The following SLC7A11 variants were observed in gnomAD, a reference collection of about 807,000 sequenced individuals.
The protein encoded by SLC7A11 is solute carrier family 7 member 11.
In SLC7A11, 35 loss-of-function variants were observed where a neutral mutation model predicts 54.5. The ratio of observed to expected loss-of-function variants is 0.64; its 90% CI spans 0.49 to 0.85. The LOEUF is 0.85. SLC7A11 is among the 40% of genes least tolerant of loss of function. SLC7A11 has a pLI of 0.00. For missense variants in SLC7A11, 583 were observed against 618.1 expected, an observed-to-expected ratio of 0.94 and a Z score of 0.60; for synonymous variants, 230 against 225.2, an observed-to-expected ratio of 1.02 and a Z score of -0.19.
chr4:138,232,360 A>T lies in SLC7A11; in HGVS notation c.427T>A (p.Ser143Thr). ...AGAATGTAGCGTCCAAATGCCAGGG[A>T]TATCACAGCAGTAGCTGCAGGGCTA... ...IIRPAATAVI[S>T]LAFGRYILEP... is the part of the protein sequence containing the mutation. Residue 143 changes from serine (S) to threonine (T), a missense_variant, in exon 3 of 12, where the codon TCC (serine) becomes ACC (threonine). Coordinates refer to ENST00000280612, the MANE Select transcript of SLC7A11 (RefSeq NM_014331.4). 1.2e-6 allele frequency: 2 copies of T among 1,611,038 alleles called. No individual in the cohort carries two copies. Among genetic ancestry groups the T allele is most frequent in the South Asian group, 1.1e-5 (1 of 90,980 alleles).
At chr4:138,227,872 C>G (rs1209855646) in intron 3 of SLC7A11, among the ~76,000 whole-genome samples, 1 of 152,112 alleles carries the variant, frequency 6.6e-6, no homozygotes, top group Admixed American at 6.6e-5. Flanking sequence ...TTCTGCAGTA[C>G]TTGTATATTT....
In SLC7A11 at chr4:138,165,028, A is replaced by G. The variant is rs1427120285; in HGVS notation, c.*6928T>C. On this transcript the variant is annotated 3_prime_UTR_variant, in exon 12 of 12. Transcript: ENST00000280612. The stretch of plus-strand genomic sequence containing the variant: ...TGCAAATTATAAATGCTTGTCACAG[A>G]ATATGAAAAATATTTAAATACATTC... 3 of 152,314 alleles carry G rather than the reference A, an allele frequency of 2.0e-5. No individual in the cohort carries two copies. The highest frequency in any genetic ancestry group is 4.4e-5 in the Non-Finnish European group (3 of 68,016). The allele number at this position is 152,314 out of a possible 1,614,324, so 9.4% of individuals were successfully genotyped here.
chr4:138,175,176 A>G (rs891993345), intron 11 of SLC7A11, among the ~76,000 whole-genome samples: 2 of 152,222 alleles, frequency 1.3e-5, no homozygotes, highest in African/African-American at 4.8e-5. Flanking sequence ...GTGATTTAAC[A>G]TAAATGAAGT....
intron 6 of SLC7A11, among the ~76,000 whole-genome samples, chr4:138,202,536 T>C (rs939329389): frequency 6.6e-6 from 1 of 152,144 alleles, no homozygotes; most frequent in African/African-American, 2.4e-5. Context: ...TCTTGATTCA[T>C]GTTCTTGACA....
intron 5 of SLC7A11, among the ~76,000 whole-genome samples, 181 bp from the exon 6 acceptor site, chr4:138,214,810 T>C (rs1737641218): frequency 6.6e-6 from 1 of 152,164 alleles, no homozygotes; most frequent in African/African-American, 2.4e-5. Context: ...GCCATATTTG[T>C]GGAGTTTTTA....
intron 2 of SLC7A11, among the ~76,000 whole-genome samples, chr4:138,233,465 T>C (rs1738131705): frequency 6.6e-6 from 1 of 152,160 alleles, no homozygotes; most frequent in Non-Finnish European, 1.5e-5. Flanking sequence ...ATTACAGGCG[T>C]GAGCCACCGT....
intron 1 of SLC7A11, among the ~76,000 whole-genome samples, chr4:138,241,460 A>C (rs1294082196): frequency 6.6e-6 from 1 of 152,180 alleles, no homozygotes; most frequent in East Asian, 1.9e-4. Context: ...GCCCAAGCTA[A>C]GTGTACAACT....
intron 6 of SLC7A11, among the ~76,000 whole-genome samples, chr4:138,209,806 T>C (rs1737503836): frequency 6.6e-6 from 1 of 152,114 alleles, no homozygotes; most frequent in African/African-American, 2.4e-5. Context: ...CTCATTAAAA[T>C]GGCAGTACTG....
In SLC7A11 at chr4:138,170,059, A is replaced by G. The variant is rs1030504294; in HGVS notation, c.*1897T>C. The G allele has an allele frequency of 6.6e-6, 1 of 151,250 alleles. No homozygotes were observed. Among genetic ancestry groups the G allele is most frequent in the African/African-American group, 2.4e-5 (1 of 41,232 alleles). 9.4% of individuals were successfully genotyped at this position (151,250 alleles called of 1,614,324 possible). On this transcript the variant is annotated 3_prime_UTR_variant, in exon 12 of 12. Transcript: ENST00000280612. ...TTTGCCTTTAATAATTTTAATTGGT[A>G]TAATTCTTTCAAAAATCCTTATTTT...
chr4:138,238,443 G>C (rs1384509980), intron 1 of SLC7A11, among the ~76,000 whole-genome samples: 1 of 152,122 alleles, frequency 6.6e-6, no homozygotes, highest in African/African-American at 2.4e-5. Flanking sequence ...CTACTTCTGA[G>C]AATAAAAGTG....
At position 138,171,953 on chromosome 4, in the gene SLC7A11, A is replaced by C; in HGVS notation, c.*3T>G. ...AGATTGCCAAGATCTCAAGTCCATT[A>C]GTTCATAACTTATCTTCTTCTGGTA... On this transcript the variant is annotated 3_prime_UTR_variant, in exon 12 of 12. Coordinates refer to ENST00000280612, the MANE Select transcript of SLC7A11 (RefSeq NM_014331.4). The C allele has an allele frequency of 6.3e-7, 1 of 1,590,154 alleles. No individual in the cohort carries two copies. Among genetic ancestry groups the C allele is most frequent in the Non-Finnish European group, 8.5e-7 (1 of 1,172,252 alleles).
chr4:138,220,407 T>G (rs964033363), intron 4 of SLC7A11, among the ~76,000 whole-genome samples: 5 of 152,138 alleles, frequency 3.3e-5, no homozygotes, highest in Non-Finnish European at 5.9e-5. Flanking sequence ...CTCTTGTCCT[T>G]TACAGAGAAA....
intron 3 of SLC7A11, among the ~76,000 whole-genome samples, chr4:138,224,226 T>TA (rs1737885812): frequency 6.6e-6 from 1 of 152,160 alleles, no homozygotes; most frequent in African/African-American, 2.4e-5. Flanking sequence ...GGTGATGCTC[T>TA]AAGACCTTTC....
rs535294898 is a variant in SLC7A11, at chr4:138,191,767, C to CA, written c.792-6524dup. Among the ~76,000 whole-genome samples, 3 of 152,170 alleles carry CA rather than the reference C, an allele frequency of 2.0e-5. No individual in the cohort carries two copies. In the East Asian group the frequency reaches 5.8e-4, roughly 29 times the overall value. ...TTCATTTGCTTGCATTTCATACACA[C>CA]AAAAAATTTGCATTGTCTGCATCTC... On this transcript the variant is annotated intron_variant, in intron 6 of 11. Transcript: ENST00000280612.
intron 3 of SLC7A11, among the ~76,000 whole-genome samples, chr4:138,229,664 A>G (rs915429297): frequency 6.6e-6 from 1 of 152,218 alleles, no homozygotes; most frequent in Admixed American, 6.5e-5. Context: ...TAGTTTGAGC[A>G]GTTTTCATTT....
chr4:138,175,674 C>CA (rs1413417920), intron 11 of SLC7A11: 1 of 152,028 alleles, frequency 6.6e-6, no homozygotes, highest in African/African-American at 2.4e-5. Context: ...TGCTATCAAA[C>CA]AAAAAGTGGT....
rs745348596 is a variant in SLC7A11 at position 138,214,580 on chromosome 4, C to T, written c.791+5G>A. 2.7e-6 allele frequency: 4 copies of T among 1,458,518 alleles called. No individual in the cohort carries two copies. The Admixed American group carries it at 6.0e-5, about 22-fold the overall frequency. The allele number at this position is 1,458,518 out of a possible 1,614,324, so 90.3% of individuals were successfully genotyped here. A position where few individuals can be genotyped will look rare whatever the true frequency, so the allele number is the denominator to read the frequency against. ...AAAAATTTCAGGGTACATCTGGCTACTTACTTTTCAGGGTTTTCTACTTCT... is the reference window on the plus strand; with the variant it reads ...AAAAATTTCAGGGTACATCTGGCTATTTACTTTTCAGGGTTTTCTACTTCT... On this transcript the variant is annotated splice_donor_5th_base_variant and intron_variant, in intron 6 of 11. Coordinates refer to ENST00000280612, the MANE Select transcript of SLC7A11 (RefSeq NM_014331.4).
At chr4:138,224,817 AGG>A (rs1464676144) in intron 3 of SLC7A11, among the ~76,000 whole-genome samples, 624 of 13,988 alleles carry the variant, frequency 0.045, 4 homozygotes, top group African/African-American at 0.088. Flanking sequence ...GAAGGATGAA[AGG>A]AAGGAAGGAA....
Position 138,183,341 on chromosome 4 carries a change from G to A in SLC7A11, c.916-36C>T, listed in dbSNP as rs552239077. 1.4e-5 allele frequency: 19 copies of A among 1,384,540 alleles called. No homozygotes were observed. In the African/African-American group the frequency reaches 2.3e-4, roughly 17 times the overall value. The allele number at this position is 1,384,540 out of a possible 1,614,324, so 85.8% of individuals were successfully genotyped here. A position where few individuals can be genotyped will look rare whatever the true frequency, so the allele number is the denominator to read the frequency against. ...AAAGAACGAAGCAAATTAATGCCTT[G>A]CCAGAAAGTGGAATAAAATGAAACA... On this transcript the variant is annotated intron_variant, in intron 7 of 11. Coordinates refer to ENST00000280612, the MANE Select transcript of SLC7A11 (RefSeq NM_014331.4).
Sources: allele counts gnomAD v4.1 joint callset (sites outside exome capture counted in the v4.1 genomes callset), GRCh38; gene constraint gnomAD v4.1.1; transcripts MANE v1.5; gene names NCBI Gene and HGNC (gene_info 2026-07-23, HGNC 2026-07-21).